Variants in AXDND1 observed in about 807,000 individuals in gnomAD.
The protein encoded by AXDND1 is axonemal dynein light chain domain containing 1, also known as axonemal dynein light chain domain-containing protein 1.
In AXDND1, 110 loss-of-function variants were observed where a neutral mutation model predicts 137.5. That is an observed-to-expected ratio of 0.80 (90% CI 0.69 to 0.94). The LOEUF is 0.94. AXDND1 is among the 40% of genes least tolerant of loss of function. The probability of loss-of-function intolerance (pLI) is 0.00; values close to 1 mark genes in which losing one functional copy is unlikely to be tolerated. For synonymous variants in AXDND1, 414 were observed against 399.7 expected (o/e 1.04, Z -0.43); for missense variants, 1,191 against 1,169.8 (o/e 1.02, Z -0.26).
intron 12 of AXDND1, among the ~76,000 whole-genome samples, chr1:179,421,369 T>TCC: frequency 9.0e-5 from 1 of 11,146 alleles, no homozygotes; most frequent in Non-Finnish European, 3.3e-4. Context: ...TTCTTTTCCT[T>TCC]TTTTTTTTTT....
intron 16 of AXDND1, among the ~76,000 whole-genome samples, chr1:179,465,834 C>T (rs569170343): frequency 1.8e-4 from 28 of 152,288 alleles, no homozygotes; most frequent in Middle Eastern, 3.4e-3. Context: ...GACGCCCCTC[C>T]CCCAGCCTCG....
chr1:179,406,796 T>G (rs1287341744), intron 11 of AXDND1, among the ~76,000 whole-genome samples: 1 of 152,184 alleles, frequency 6.6e-6, no homozygotes, highest in Non-Finnish European at 1.5e-5. Context: ...GGTTGCATTT[T>G]TATATCCATT....
chr1:179,536,945 T>G (rs1012021017), intron 25 of AXDND1, among the ~76,000 whole-genome samples: 2 of 152,244 alleles, frequency 1.3e-5, no homozygotes, highest in African/African-American at 4.8e-5. Flanking sequence ...GTAAGTTGTT[T>G]TCCTAGGTAT....
intron 11 of AXDND1, among the ~76,000 whole-genome samples, chr1:179,400,499 A>G (rs1651789343): frequency 6.6e-6 from 1 of 152,070 alleles, no homozygotes; most frequent in Non-Finnish European, 1.5e-5. Flanking sequence ...GGGTGCTCCA[A>G]AATCTCACAA....
At chr1:179,401,199 G>A (rs12737345) in intron 11 of AXDND1, among the ~76,000 whole-genome samples, 43,216 of 147,760 alleles carry the variant, frequency 0.29, 6,506 homozygotes, top group Non-Finnish European at 0.31. Context: ...CAGAGATTGC[G>A]GTGAGCTGAG....
At chr1:179,464,580 A>G (rs1400582364) in intron 16 of AXDND1, among the ~76,000 whole-genome samples, 1 of 151,964 alleles carries the variant, frequency 6.6e-6, no homozygotes, top group African/African-American at 2.4e-5. Flanking sequence ...GGTGAATCTG[A>G]CAATTATGTG....
Position 179,381,143 on chromosome 1 carries a change from C to T in AXDND1, c.582-1557C>T, listed in dbSNP as rs185397226. Among the ~76,000 whole-genome samples, 1,286 of 148,680 alleles carry T rather than the reference C, an allele frequency of 8.6e-3. 39 individuals carry two copies. Among genetic ancestry groups the T allele is most frequent in the Admixed American group, 0.056 (821 of 14,662 alleles). On this transcript the variant is annotated intron_variant, in intron 6 of 25. Coordinates refer to ENST00000367618, the MANE Select transcript of AXDND1 (RefSeq NM_144696.6). The stretch of plus-strand genomic sequence containing the variant: ...GCAACCTCCGCCTCCCAGGTTCAAG[C>T]GATTCTCCTGCCTCAGCCTCCTGAG...
intron 21 of AXDND1, among the ~76,000 whole-genome samples, chr1:179,519,474 A>G (rs1337112224): frequency 1.3e-5 from 2 of 152,166 alleles, no homozygotes; most frequent in African/African-American, 2.4e-5. Flanking sequence ...TTCTATGTCC[A>G]GAATGGTATT....
At chr1:179,443,543 A>G (rs1426548840) in intron 15 of AXDND1, among the ~76,000 whole-genome samples, 1 of 152,134 alleles carries the variant, frequency 6.6e-6, no homozygotes, top group Non-Finnish European at 1.5e-5. Flanking sequence ...TGTACCCATT[A>G]AACTGTAAGT....
At chr1:179,382,793 A>G in intron 7 of AXDND1, 37 bp downstream of exon 7, 1 of 1,483,690 alleles carries the variant, frequency 6.7e-7, no homozygotes. Context: ...TTTCTCAGAA[A>G]GAATACCTAT....
At chr1:179,530,574 C>T (rs1423130508) in intron 23 of AXDND1, among the ~76,000 whole-genome samples, 1 of 152,170 alleles carries the variant, frequency 6.6e-6, no homozygotes, top group African/African-American at 2.4e-5. Context: ...CTCCCAGATA[C>T]TGCCATTCTG....
intron 17 of AXDND1, among the ~76,000 whole-genome samples, chr1:179,479,585 C>T (rs934446389): frequency 2.6e-5 from 4 of 151,076 alleles, no homozygotes; most frequent in African/African-American, 9.8e-5. Flanking sequence ...AGACCATCCT[C>T]TCTAACATGG....
rs556024420 is a variant in AXDND1 at position 179,431,493 on chromosome 1, GTGT to G, written c.1488-763_1488-761del. 5.3e-3 allele frequency among the ~76,000 whole-genome samples: 804 copies of G among 151,424 alleles called. 9 individuals carry two copies. The highest frequency in any genetic ancestry group is 0.019 in the African/African-American group (778 of 41,248). The stretch of plus-strand genomic sequence containing the variant: ...GTTTGTTTGTTTGTTTGTTGTTGTT[GTGT>G]TGTTGTTGTTTTTTAACTTTAAGAT... On this transcript the variant is annotated intron_variant, in intron 14 of 25. Transcript: ENST00000367618.
chr1:179,423,362 T>C (rs1656059627), intron 12 of AXDND1, among the ~76,000 whole-genome samples: 1 of 152,194 alleles, frequency 6.6e-6, no homozygotes, highest in Admixed American at 6.5e-5. Context: ...AGACAGATAT[T>C]GTTGGGTCTT....
intron 17 of AXDND1, among the ~76,000 whole-genome samples, chr1:179,470,167 A>G (rs1328806811): frequency 6.6e-6 from 1 of 152,156 alleles, no homozygotes; most frequent in African/African-American, 2.4e-5. Flanking sequence ...ACATTGATCT[A>G]TATGTCCACC....
intron 11 of AXDND1, among the ~76,000 whole-genome samples, 191 bp from the exon 12 acceptor site, chr1:179,410,955 A>C (rs1158261183): frequency 6.6e-6 from 1 of 152,234 alleles, no homozygotes; most frequent in Non-Finnish European, 1.5e-5. Context: ...TATAAATTAA[A>C]TGTGAGTATT....
chr1:179,549,256 G>T (rs1306795742), intron 25 of AXDND1, among the ~76,000 whole-genome samples: 2 of 152,184 alleles, frequency 1.3e-5, no homozygotes, highest in Non-Finnish European at 2.9e-5. Context: ...AGTTTCTGAA[G>T]AATTTTACCT....
intron 11 of AXDND1, among the ~76,000 whole-genome samples, chr1:179,402,536 C>T (rs1652254986): frequency 6.6e-6 from 1 of 152,186 alleles, no homozygotes; most frequent in South Asian, 2.1e-4. Context: ...TGTTTGTATA[C>T]TTTCATATCC....
chr1:179,541,728 A>G (rs61827696), intron 25 of AXDND1, among the ~76,000 whole-genome samples: 1 of 97,332 alleles, frequency 1.0e-5, no homozygotes, highest in Admixed American at 1.0e-4. Flanking sequence ...ATATATGCAT[A>G]ATAATTTCAC....
Sources: gnomAD v4.1 joint callset for allele counts (sites outside exome capture counted in the v4.1 genomes callset) on GRCh38, gnomAD v4.1.1 for gene constraint, MANE v1.5 for transcripts, NCBI Gene and HGNC (gene_info 2026-07-23, HGNC 2026-07-21) for gene names.